Variants in ARHGEF16 observed in about 807,000 individuals in gnomAD.
The protein encoded by ARHGEF16 is Rho guanine exchange factor (GEF) 16.
In ARHGEF16, 59 loss-of-function variants were observed where a neutral mutation model predicts 74.1. The ratio of observed to expected loss-of-function variants is 0.80; its 90% CI spans 0.65 to 0.99. The LOEUF is 0.99. Ranked by LOEUF, ARHGEF16 falls within the 50% of genes least tolerant of loss-of-function variation. The pLI, the probability that ARHGEF16 is intolerant of heterozygous loss-of-function variation, is 0.00. For missense variants in ARHGEF16, 948 were observed against 986.6 expected, an observed-to-expected ratio of 0.96 and a Z score of 0.52; for synonymous variants, 415 against 412.6, an observed-to-expected ratio of 1.01 and a Z score of -0.07.
At chr1:3,474,291 A>C (rs1324856706) in intron 8 of ARHGEF16, 2 of 240,058 alleles carry the variant, frequency 8.3e-6, no homozygotes, top group African/African-American at 2.2e-5. Flanking sequence ...CTGCCCATAC[A>C]CACAGCCCCG....
At position 3,468,872 on chromosome 1, in the gene ARHGEF16, C is replaced by T. The variant is rs1041217427; in HGVS notation, c.805-8C>T. 2 of 1,549,876 alleles carry T rather than the reference C, an allele frequency of 1.3e-6. No individual in the cohort carries two copies. The highest frequency in any genetic ancestry group is 2.4e-5 in the East Asian group (1 of 40,902). On this transcript the variant is annotated splice_polypyrimidine_tract_variant and splice_region_variant and intron_variant, in intron 4 of 14. Transcript: ENST00000378378. ...TGACCGAGAGCTCCTGGGCCTGTGT[C>T]CCCCCAGGTGGTGGAATTGGGCATC... is the stretch of plus-strand genomic sequence containing the variant.
chr1:3,463,206 CCCCG>C lies in ARHGEF16; in HGVS notation c.124_127del (p.Pro42ValfsTer31). 3.2e-6 allele frequency: 5 copies of C among 1,545,658 alleles called. No individual in the cohort carries two copies. The South Asian group carries it at 6.0e-5, about 18-fold the overall frequency. ...TCCGGGCTCCCAATGGTCCGTGGCT[CCCCG>C]CGTGTTAGAGACGATGCCGCCTTCC... On this transcript the variant is annotated frameshift_variant, in exon 2 of 15. Coordinates refer to ENST00000378378, the MANE Select transcript of ARHGEF16 (RefSeq NM_014448.4). LOFTEE classifies it high-confidence loss of function.
intron 1 of ARHGEF16, among the ~76,000 whole-genome samples, chr1:3,459,346 G>C (rs1378098969): frequency 6.6e-6 from 1 of 152,244 alleles, no homozygotes; most frequent in Non-Finnish European, 1.5e-5. Flanking sequence ...CAGCAACTCT[G>C]ACAACAAGGG....
chr1:3,468,557 C>T, intron 4 of ARHGEF16: 1 of 391,332 alleles, frequency 2.6e-6, no homozygotes, highest in South Asian at 2.4e-5. Context: ...CGCACCTCTC[C>T]ATCTGCCGGG....
chr1:3,478,659 G>A (rs1463349618), intron 12 of ARHGEF16, 47 bp downstream of exon 12: 2 of 1,553,950 alleles, frequency 1.3e-6, no homozygotes, highest in Non-Finnish European at 8.7e-7. Context: ...AGGCACATTA[G>A]CTCCATGGGG....
rs377203603 is a variant in ARHGEF16, at chr1:3,469,452, C to T, written c.881C>T (p.Thr294Met). The change falls in exon 6 of 15, where the codon ACG becomes ATG. Residue 294 changes from threonine to methionine, a missense_variant. Transcript: ENST00000378378. The part of the protein sequence containing the change: ...KRQEAMFEIL[T>M]SEFSYQHSLS... The stretch of plus-strand genomic sequence containing the variant: ...CCACAGGCCATGTTCGAGATCCTCA[C>T]GTCGGAGTTCTCCTACCAGCACAGC... 5.0e-6 allele frequency: 8 copies of T among 1,612,986 alleles called. No homozygotes were observed. The highest frequency in any genetic ancestry group is 5.1e-6 in the Non-Finnish European group (6 of 1,179,962).
At chr1:3,456,260 G>A (rs1401414041) in intron 1 of ARHGEF16, among the ~76,000 whole-genome samples, 1 of 152,236 alleles carries the variant, frequency 6.6e-6, no homozygotes, top group East Asian at 1.9e-4. Flanking sequence ...GCAGTGAGAA[G>A]CGGCGTGCCA....
At chr1:3,466,675 T>G (rs376219012) in intron 3 of ARHGEF16, among the ~76,000 whole-genome samples, 4 of 152,042 alleles carry the variant, frequency 2.6e-5, no homozygotes, top group South Asian at 2.1e-4. Context: ...CATAGGGAGG[T>G]GCCTGCTACC....
At position 3,473,508 on chromosome 1, in the gene ARHGEF16, C is replaced by T; in HGVS notation, c.1291C>T (p.Pro431Ser). The T allele has an allele frequency of 2.5e-6, 4 of 1,609,462 alleles. No individual in the cohort carries two copies. The highest frequency in any genetic ancestry group is 3.4e-6 in the Non-Finnish European group (4 of 1,180,002). ...ILPMQRVTRLPLLMDTLCLKT... is the reference protein window; with the variant it reads ...ILPMQRVTRLSLLMDTLCLKT... ...CCCCATGCAGCGGGTGACCCGGCTG[C>T]CCCTCCTGATGGATGTAAGTCCACG... Residue 431 changes from proline (P) to serine (S), a missense_variant, in exon 8 of 15, where the codon CCC becomes TCC. By Grantham distance (74) the Pro-to-Ser change is moderately conservative. Coordinates refer to ENST00000378378, the MANE Select transcript of ARHGEF16 (RefSeq NM_014448.4).
At chr1:3,464,018 G>C (rs1227603867) in intron 2 of ARHGEF16, among the ~76,000 whole-genome samples, 1 of 152,250 alleles carries the variant, frequency 6.6e-6, no homozygotes, top group Admixed American at 6.5e-5. Flanking sequence ...ATAGGGTTCA[G>C]GGTGACCTGG....
intron 10 of ARHGEF16, among the ~76,000 whole-genome samples, chr1:3,476,431 C>T (rs1420220259): frequency 6.6e-6 from 1 of 152,094 alleles, no homozygotes; most frequent in Non-Finnish European, 1.5e-5. Context: ...GCTGGCCCCT[C>T]AGGGGCTGGG....
At chr1:3,459,612 G>A (rs183308331) in intron 1 of ARHGEF16, among the ~76,000 whole-genome samples, 6 of 152,272 alleles carry the variant, frequency 3.9e-5, no homozygotes, top group African/African-American at 4.8e-5. Flanking sequence ...CCTCTGGAGA[G>A]GGAGGACGGG....
At chr1:3,466,536 CA>C (rs1463177513) in intron 3 of ARHGEF16, among the ~76,000 whole-genome samples, 2 of 151,794 alleles carry the variant, frequency 1.3e-5, no homozygotes, top group Non-Finnish European at 2.9e-5. Context: ...GCACCGGCCC[CA>C]CACCGCGGGC....
In ARHGEF16 at chr1:3,463,524, G is replaced by A. The variant is rs1051085115; in HGVS notation, c.440G>A (p.Arg147Gln). Residue 147 changes from arginine (R) to glutamine (Q), a missense_variant, in exon 2 of 15, where the codon CGG (arginine) becomes CAG (glutamine). Arg to Gln is a conservative substitution (Grantham distance 43). Transcript: ENST00000378378. The stretch of plus-strand genomic sequence containing the variant: ...AAGGACCCCGGGGGCATGCTGAGGC[G>A]GAACCTGCGGAACCAATCCTACCGG... ...VDKDPGGMLR[R>Q]NLRNQSYRAA... 5.0e-5 allele frequency: 74 copies of A among 1,472,706 alleles called. No individual in the cohort carries two copies. The highest frequency in any genetic ancestry group is 4.4e-4 in the Admixed American group (17 of 38,854). 91.2% of individuals were successfully genotyped at this position (1,472,706 alleles called of 1,614,324 possible).
chr1:3,462,068 C>T (rs936643782), intron 1 of ARHGEF16, among the ~76,000 whole-genome samples: 6 of 149,856 alleles, frequency 4.0e-5, no homozygotes, highest in African/African-American at 7.4e-5. Context: ...CGGGGGCACG[C>T]GCTGCCAGGA....
chr1:3,473,307 T>C, intron 7 of ARHGEF16, 77 bp downstream of exon 7: 2 of 1,582,666 alleles, frequency 1.3e-6, no homozygotes, highest in Non-Finnish European at 1.7e-6. Flanking sequence ...ACATTCCTGC[T>C]CCCAGCCCAG....
chr1:3,466,507 A>T (rs1639549450), intron 3 of ARHGEF16, among the ~76,000 whole-genome samples: 1 of 151,464 alleles, frequency 6.6e-6, no homozygotes, highest in African/African-American at 2.4e-5. Flanking sequence ...GTGTTGGGGG[A>T]CCAAGGCCAG....
At position 3,480,550 on chromosome 1, in the gene ARHGEF16, G is replaced by C; in HGVS notation, c.2093G>C (p.Arg698Pro). 1 of 1,610,650 alleles carries C rather than the reference G, an allele frequency of 6.2e-7. No individual in the cohort carries two copies. Among genetic ancestry groups the C allele is most frequent in the East Asian group, 2.2e-5 (1 of 44,892 alleles). ...TSRVAVEGNV[R>P]RMERLRVETD... Reference sequence around the variant, plus strand: ...CGTGTGGCCGTGGAGGGCAATGTCCGCAGGATGGAGCGTCTGCGGGTGGAG... The same window carrying C: ...CGTGTGGCCGTGGAGGGCAATGTCCCCAGGATGGAGCGTCTGCGGGTGGAG... Residue 698 changes from arginine (R) to proline (P), a missense_variant, in exon 15 of 15, where the codon CGC becomes CCC. Arg to Pro is a moderately radical substitution (Grantham distance 103, BLOSUM62 -2). Coordinates refer to ENST00000378378, the MANE Select transcript of ARHGEF16 (RefSeq NM_014448.4).
In ARHGEF16 at chr1:3,469,456, G is replaced by C; in HGVS notation, c.885G>C (p.Ser295=). Residue 295 remains serine (S), a synonymous_variant, in exon 6 of 15, where the codon TCG becomes TCC. Transcript: ENST00000378378. The part of the protein sequence containing the change: ...RQEAMFEILT[S]EFSYQHSLSI... Reference sequence around the variant, plus strand: ...AGGCCATGTTCGAGATCCTCACGTCGGAGTTCTCCTACCAGCACAGCCTGA... The same window carrying C: ...AGGCCATGTTCGAGATCCTCACGTCCGAGTTCTCCTACCAGCACAGCCTGA... 1 of 1,612,988 alleles carries C rather than the reference G, an allele frequency of 6.2e-7. No homozygotes were observed. The highest frequency in any genetic ancestry group is 1.1e-5 in the South Asian group (1 of 91,082).
Sources: gnomAD v4.1 joint callset for allele counts (sites outside exome capture counted in the v4.1 genomes callset) on GRCh38, gnomAD v4.1.1 for gene constraint, MANE v1.5 for transcripts, NCBI Gene and HGNC (gene_info 2026-07-23, HGNC 2026-07-21) for gene names.